The following CLASP1 variants were observed in gnomAD, a reference collection of about 807,000 sequenced individuals.
CLASP1 encodes the protein CLIP-associating protein 1.
In CLASP1, 38 loss-of-function variants were observed where a neutral mutation model predicts 192.3. That is an observed-to-expected ratio of 0.20 (90% CI 0.15 to 0.26). The LOEUF is 0.26. Among genes scored for constraint, CLASP1 ranks in the 10% least tolerant of loss-of-function variants. The probability of loss-of-function intolerance (pLI) is 1.00; values close to 1 mark genes in which losing one functional copy is unlikely to be tolerated. For synonymous variants in CLASP1, 691 were observed against 712.8 expected, an observed-to-expected ratio of 0.97 and a Z score of 0.49; for missense variants, 1,433 against 1,932.5, an observed-to-expected ratio of 0.74 and a Z score of 4.85.
intron 2 of CLASP1, among the ~76,000 whole-genome samples, chr2:121,571,691 GT>G (rs1198732673): frequency 2.0e-5 from 3 of 152,172 alleles, no homozygotes; most frequent in Non-Finnish European, 4.4e-5. Context: ...ATGAAAAGAA[GT>G]TTCACAAGGC....
intron 26 of CLASP1, 110 bp downstream of exon 27, chr2:121,404,261 A>G (rs1351237982): frequency 6.7e-7 from 1 of 1,490,906 alleles, no homozygotes; most frequent in Non-Finnish European, 9.0e-7. Context: ...GTGACTCTGT[A>G]AGGTCGGAAC....
Position 121,635,510 on chromosome 2 carries a change from A to G in CLASP1, c.-286+13862T>C, listed in dbSNP as rs148135919. Among the ~76,000 whole-genome samples, 330 of 152,330 alleles carry G rather than the reference A, an allele frequency of 2.2e-3. 3 individuals are homozygous for G. The highest frequency in any genetic ancestry group is 7.3e-3 in the African/African-American group (303 of 41,584). The stretch of plus-strand genomic sequence containing the variant: ...ACTGGAAAACAAAAAGCAAAGGCCA[A>G]CCTTCAAGCTGAATCTTTCCCTTCA... On this transcript the variant is annotated intron_variant, in intron 1 of 39. Coordinates refer to ENST00000263710, the Ensembl canonical transcript of CLASP1.
At chr2:121,553,628 G>A (rs911377184) in intron 2 of CLASP1, among the ~76,000 whole-genome samples, 4 of 152,240 alleles carry the variant, frequency 2.6e-5, no homozygotes, top group African/African-American at 9.6e-5. Flanking sequence ...TTGAACCTGG[G>A]AGGCAGAGGC....
intron 37 of CLASP1, among the ~76,000 whole-genome samples, chr2:121,350,475 T>C (rs1003744152): frequency 1.3e-5 from 2 of 152,056 alleles, no homozygotes; most frequent in African/African-American, 2.4e-5. Flanking sequence ...TGGGGTCACT[T>C]TGGGGCCCTC....
intron 1 of CLASP1, among the ~76,000 whole-genome samples, chr2:121,620,506 C>A (rs1399404224): frequency 6.6e-6 from 1 of 152,052 alleles, no homozygotes; most frequent in Admixed American, 6.5e-5. Context: ...CGCGTCACCA[C>A]GCCCAGCTAA....
At chr2:121,504,989 T>C (rs200042175) in intron 7 of CLASP1, 4 of 152,264 alleles carry the variant, frequency 2.6e-5, no homozygotes, top group African/African-American at 7.2e-5. Context: ...GTGTTTCTTA[T>C]GATGTTTCCA....
intron 26 of CLASP1, among the ~76,000 whole-genome samples, chr2:121,402,151 ATACTAT>A (rs1323787575): frequency 1.3e-5 from 2 of 152,226 alleles, no homozygotes; most frequent in Non-Finnish European, 2.9e-5. Flanking sequence ...CAGTCAACAA[ATACTAT>A]TATAAAATGA....
chr2:121,527,507 C>G (rs1295587793), intron 5 of CLASP1, among the ~76,000 whole-genome samples: 1 of 152,174 alleles, frequency 6.6e-6, no homozygotes, highest in Non-Finnish European at 1.5e-5. Context: ...CTACACACAG[C>G]AGCATGAAGG....
At chr2:121,460,389 T>C (rs1432484585) in intron 11 of CLASP1, among the ~76,000 whole-genome samples, 1 of 152,162 alleles carries the variant, frequency 6.6e-6, no homozygotes, top group East Asian at 1.9e-4. Flanking sequence ...ATTTGAAATA[T>C]CTTAAAGTAT....
At chr2:121,375,583 C>T (rs530692761) in intron 34 of CLASP1, among the ~76,000 whole-genome samples, 8 of 152,122 alleles carry the variant, frequency 5.3e-5, no homozygotes, top group African/African-American at 1.4e-4. Flanking sequence ...AGGATGGTCT[C>T]GATCTCTTGA....
At chr2:121,586,572 C>T (rs2061739046) in intron 2 of CLASP1, among the ~76,000 whole-genome samples, 2 of 152,104 alleles carry the variant, frequency 1.3e-5, no homozygotes, top group South Asian at 4.1e-4. Flanking sequence ...TGGCATATGC[C>T]ATACCAGATT....
chr2:121,553,290 T>C (rs934124767), intron 2 of CLASP1, among the ~76,000 whole-genome samples: 1 of 152,160 alleles, frequency 6.6e-6, no homozygotes, highest in Non-Finnish European at 1.5e-5. Flanking sequence ...CAAACCCCTG[T>C]GACATGAGTT....
At chr2:121,419,385 TC>T (rs1283732530) in intron 22 of CLASP1, among the ~76,000 whole-genome samples, 1 of 152,182 alleles carries the variant, frequency 6.6e-6, no homozygotes, top group Non-Finnish European at 1.5e-5. Context: ...TGTTATCCTT[TC>T]CTTTACTGAT....
intron 19 of CLASP1, among the ~76,000 whole-genome samples, chr2:121,443,614 G>T (rs1290409405): frequency 6.6e-6 from 1 of 152,200 alleles, no homozygotes; most frequent in Non-Finnish European, 1.5e-5. Flanking sequence ...CAGGACAGAG[G>T]TTTCTTGTCC....
intron 30 of CLASP1, 111 bp from the exon 32 acceptor site, chr2:121,388,017 T>C (rs984660826): frequency 3.8e-6 from 3 of 793,606 alleles, no homozygotes; most frequent in Non-Finnish European, 1.9e-6. Flanking sequence ...TAAGAGGGCA[T>C]TCTAGGCATC....
chr2:121,516,626 T>A (rs989004992), intron 6 of CLASP1, among the ~76,000 whole-genome samples: 2 of 152,244 alleles, frequency 1.3e-5, no homozygotes, highest in Non-Finnish European at 2.9e-5. Context: ...ATATTACACA[T>A]CACTGTATCC....
At chr2:121,407,110 G>A (rs1163861698) in intron 25 of CLASP1, among the ~76,000 whole-genome samples, 1 of 151,966 alleles carries the variant, frequency 6.6e-6, no homozygotes, top group Non-Finnish European at 1.5e-5. Context: ...CAGCTACTCA[G>A]GAGGCTGAGG....
At chr2:121,480,321 C>G (rs1380857445) in intron 8 of CLASP1, among the ~76,000 whole-genome samples, 3 of 152,204 alleles carry the variant, frequency 2.0e-5, no homozygotes, top group African/African-American at 7.2e-5. Flanking sequence ...TGTAGGAGCT[C>G]AAAGTTCACA....
At chr2:121,467,822 T>C (rs1415283020) in intron 9 of CLASP1, among the ~76,000 whole-genome samples, 1 of 152,240 alleles carries the variant, frequency 6.6e-6, no homozygotes. Flanking sequence ...TTTTTGCTTT[T>C]GTTGCAATTG....
Sources: gnomAD v4.1 joint callset for allele counts (sites outside exome capture counted in the v4.1 genomes callset) on GRCh38, gnomAD v4.1.1 for gene constraint, MANE v1.5 for transcripts, NCBI Gene and HGNC (gene_info 2026-07-23, HGNC 2026-07-21) for gene names.